Variants in TVP23A observed in about 807,000 individuals in gnomAD.
TVP23A encodes the protein trans-golgi network vesicle protein 23 homolog A.
TVP23A carries 21 observed loss-of-function variants against 31.7 expected under a neutral mutation model. That is an observed-to-expected ratio of 0.66 (90% confidence interval 0.47 to 0.95). TVP23A has a LOEUF of 0.95. TVP23A is among the 40% of genes least tolerant of loss of function. The pLI is 0.00. For synonymous variants in TVP23A, 104 were observed against 96.0 expected, an observed-to-expected ratio of 1.08 and a Z score of -0.49; for missense variants, 279 against 255.6, an observed-to-expected ratio of 1.09 and a Z score of -0.62.
intron 2 of TVP23A, among the ~76,000 whole-genome samples, chr16:10,776,390 A>T (rs749271288): frequency 6.6e-6 from 1 of 152,138 alleles, no homozygotes; most frequent in South Asian, 2.1e-4. Flanking sequence ...ATAAAAAAAT[A>T]AAAAAATAAA....
intron 5 of TVP23A, 124 bp from the exon 6 acceptor site, chr16:10,771,922 C>T: frequency 1.6e-6 from 2 of 1,249,840 alleles, no homozygotes; most frequent in Non-Finnish European, 2.2e-6. Flanking sequence ...GGGTTCACAC[C>T]ATTCTCCTGC....
chr16:10,757,964 C>G (rs142124667), downstream of TVP23A: 13 of 1,614,028 alleles, frequency 8.1e-6, no homozygotes, highest in Non-Finnish European at 1.0e-5. This position sits in a 1 kb window ranked among gnomAD's most constrained non-coding sequence, Gnocchi z 4.1. Flanking sequence ...ATGAACACCT[C>G]TCGGTCGTCC....
In TVP23A at chr16:10,796,048, A is replaced by T. The variant is rs533167987; in HGVS notation, c.90-20952T>A. Among the ~76,000 whole-genome samples the T allele has an allele frequency of 3.0e-3, 457 of 152,236 alleles. 3 individuals carry two copies. Among genetic ancestry groups the T allele is most frequent in the African/African-American group, 0.011 (438 of 41,566 alleles). The stretch of plus-strand genomic sequence containing the variant: ...AACTCGCCTGCAAAGCAAAAAAAAT[A>T]AAAAAATTTAAAAGATGGGCTGGGC... On this transcript the variant is annotated intron_variant, in intron 2 of 7. Coordinates refer to ENST00000299866, the MANE Select transcript of TVP23A (RefSeq NM_001079512.4).
downstream of TVP23A, chr16:10,760,901 C>G (rs1272261799): frequency 8.9e-5 from 15 of 168,412 alleles, no homozygotes; most frequent in Admixed American, 8.5e-4. Context: ...AAAGAACTGC[C>G]TGAGACTGGG....
At chr16:10,802,101 T>TACAC (rs146939902) in intron 2 of TVP23A, among the ~76,000 whole-genome samples, 14,179 of 147,930 alleles carry the variant, frequency 0.096, 1,083 homozygotes, top group African/African-American at 0.22. Context: ...CAAATACACA[T>TACAC]ACACACACAC....
intron 2 of TVP23A, among the ~76,000 whole-genome samples, chr16:10,800,615 A>G (rs898723303): frequency 5.3e-5 from 8 of 152,136 alleles, no homozygotes; most frequent in African/African-American, 1.9e-4. Context: ...CTGAATCACT[A>G]CTGCAACCTG....
intron 2 of TVP23A, among the ~76,000 whole-genome samples, chr16:10,805,160 T>C (rs1258880135): frequency 6.6e-5 from 10 of 151,952 alleles, no homozygotes; most frequent in Admixed American, 6.6e-4. Context: ...GCCTCCCAAG[T>C]AGTGGGGATT....
chr16:10,775,991 T>C (rs990339285), intron 2 of TVP23A, among the ~76,000 whole-genome samples: 1 of 151,496 alleles, frequency 6.6e-6, no homozygotes, highest in African/African-American at 2.4e-5. Flanking sequence ...TCAGGTGATC[T>C]GTCCACTTTG....
chr16:10,801,292 A>G (rs1161171037), intron 2 of TVP23A, among the ~76,000 whole-genome samples: 2 of 152,244 alleles, frequency 1.3e-5, no homozygotes, highest in African/African-American at 2.4e-5. Context: ...TATCTCTGCC[A>G]AGAAGCATAA....
rs376181823 is a variant in TVP23A, at chr16:10,793,005, C to T, written c.90-17909G>A. Among the ~76,000 whole-genome samples the T allele has an allele frequency of 1.1e-4, 17 of 152,182 alleles. No homozygotes were observed. The East Asian group carries it at 2.3e-3, about 21-fold the overall frequency. ...TTTATTTCTTTTTAAAGAGACATAC[C>T]CAGCAGGGCATGGTGGCTCCTGCCT... On this transcript the variant is annotated intron_variant, in intron 2 of 7. Transcript: ENST00000299866.
chr16:10,805,135 G>A (rs756886073), intron 2 of TVP23A, among the ~76,000 whole-genome samples: 9 of 151,994 alleles, frequency 5.9e-5, no homozygotes, highest in Non-Finnish European at 1.0e-4. Flanking sequence ...GGGTTCAAGC[G>A]ATTCTTGTGC....
At chr16:10,769,355 C>A (rs964761554) in intron 7 of TVP23A, 2 of 421,678 alleles carry the variant, frequency 4.7e-6, no homozygotes, top group African/African-American at 4.1e-5. Context: ...AAATCTCTCC[C>A]CCGAGGCCTG....
chr16:10,767,859 T>C lies in TVP23A; in HGVS notation c.*1243A>G, dbSNP rs2233540. On this transcript the variant is annotated 3_prime_UTR_variant, in exon 8 of 8. Coordinates refer to ENST00000299866, the MANE Select transcript of TVP23A (RefSeq NM_001079512.4). The surrounding 1 kb of genome is among the most constrained non-coding windows in gnomAD (Gnocchi z 4.6). ...GTGAAGCGGGCTCAAGATCTTCCCA[T>C]TGTCACCAGCACGGAAAGAGCCCCA... 0.037 allele frequency: 45,198 copies of C among 1,212,548 alleles called. 1,915 individuals carry two copies. The highest frequency in any genetic ancestry group is 0.2 in the African/African-American group (13,393 of 66,676). The allele number at this position is 1,212,548 out of a possible 1,614,324, so 75.1% of individuals were successfully genotyped here.
chr16:10,770,348 C>A lies in TVP23A; in HGVS notation c.583-17G>T. On this transcript the variant is annotated splice_polypyrimidine_tract_variant and intron_variant, in intron 6 of 7. Coordinates refer to ENST00000299866, the MANE Select transcript of TVP23A (RefSeq NM_001079512.4). Reference sequence around the variant, plus strand: ...TGGGCAGGCCTGCAAGGGGAAAAGTCAACCATGGTTTTCTGTCCTTACACG... The same window carrying A: ...TGGGCAGGCCTGCAAGGGGAAAAGTAAACCATGGTTTTCTGTCCTTACACG... The A allele has an allele frequency of 6.4e-7, 1 of 1,550,606 alleles. No homozygotes were observed. The highest frequency in any genetic ancestry group is 1.2e-5 in the South Asian group (1 of 83,826).
intron 2 of TVP23A, chr16:10,800,276 C>A (rs917164382): frequency 2.0e-5 from 3 of 152,096 alleles, no homozygotes; most frequent in Non-Finnish European, 4.4e-5. Flanking sequence ...TGGACAAGAT[C>A]TGAAGGCAGC....
At chr16:10,792,058 C>A (rs926521397) in intron 2 of TVP23A, among the ~76,000 whole-genome samples, 2 of 152,212 alleles carry the variant, frequency 1.3e-5, no homozygotes, top group Non-Finnish European at 2.9e-5. Context: ...AATCTGTGTG[C>A]CCTATGTAAA....
At chr16:10,773,896 C>T (rs1434328396) in intron 4 of TVP23A, 143 bp downstream of exon 4, 1 of 672,574 alleles carries the variant, frequency 1.5e-6, no homozygotes, top group South Asian at 1.9e-5. Context: ...TTTGCCACAC[C>T]CATGTTTCAC....
At chr16:10,765,865 T>C (rs1447441065), downstream of TVP23A, among the ~76,000 whole-genome samples, 1 of 152,186 alleles carries the variant, frequency 6.6e-6, no homozygotes, top group South Asian at 2.1e-4. The surrounding 1 kb of genome is among the most constrained non-coding windows in gnomAD (Gnocchi z 4.0). Context: ...GTGTGTCAAA[T>C]GGCACATTGC....
chr16:10,817,814 G>A (rs965117418), intron 2 of TVP23A, among the ~76,000 whole-genome samples: 1 of 152,208 alleles, frequency 6.6e-6, no homozygotes, highest in South Asian at 2.1e-4. Flanking sequence ...ACTAAGGCAA[G>A]TGGCCTTCTC....
Sources: allele counts gnomAD v4.1 joint callset (sites outside exome capture counted in the v4.1 genomes callset), GRCh38; gene constraint gnomAD v4.1.1; non-coding constraint Gnocchi (gnomAD v3.1); transcripts MANE v1.5; gene names NCBI Gene and HGNC (gene_info 2026-07-23, HGNC 2026-07-21).